Variants in PTPRD observed in about 807,000 individuals in gnomAD.
PTPRD encodes receptor-type tyrosine-protein phosphatase delta.
Under a neutral mutation model 214.5 loss-of-function variants are expected in PTPRD, and 34 were observed. The observed-to-expected ratio is 0.16, with a 90% confidence interval of 0.12 to 0.21. The LOEUF is 0.21. Among genes scored for constraint, PTPRD ranks in the 10% least tolerant of loss-of-function variants. PTPRD has a pLI of 1.00. For missense variants in PTPRD, 2,545 were observed against 2,398.7 expected (o/e 1.06, Z -1.27); for synonymous variants, 1,128 against 845.7 (o/e 1.33, Z -5.79).
intron 2 of PTPRD, among the ~76,000 whole-genome samples, chr9:10,350,166 C>A (rs545797058): frequency 2.6e-5 from 4 of 151,982 alleles, no homozygotes; most frequent in African/African-American, 9.6e-5. Context: ...CTTCTCAGCA[C>A]CCTGGATTAT....
intron 5 of PTPRD, among the ~76,000 whole-genome samples, chr9:9,922,447 A>G (rs1457210905): frequency 6.6e-6 from 1 of 152,062 alleles, no homozygotes; most frequent in East Asian, 1.9e-4. Context: ...CCAAGCCCCC[A>G]TTCTAAAATT....
At chr9:9,794,168 T>TATATACATGTATATATAC (rs1292920934) in intron 5 of PTPRD, among the ~76,000 whole-genome samples, 14 of 149,276 alleles carry the variant, frequency 9.4e-5, no homozygotes, top group African/African-American at 3.0e-4. Flanking sequence ...TGTATATATA[T>TATATACATGTATATATAC]ATATACATGT....
chr9:9,575,921 A>T (rs1006202159), intron 7 of PTPRD, among the ~76,000 whole-genome samples: 2 of 152,002 alleles, frequency 1.3e-5, no homozygotes, highest in African/African-American at 4.8e-5. Flanking sequence ...ACAAGAAAAG[A>T]AAACTAAATA....
intron 3 of PTPRD, among the ~76,000 whole-genome samples, chr9:10,331,739 G>T (rs2096754334): frequency 6.6e-6 from 1 of 151,784 alleles, no homozygotes; most frequent in Non-Finnish European, 1.5e-5. Flanking sequence ...TTGTCATGCA[G>T]ATTGATATCT....
intron 2 of PTPRD, among the ~76,000 whole-genome samples, chr9:10,387,057 G>T (rs2097927962): frequency 6.6e-6 from 1 of 151,658 alleles, no homozygotes; most frequent in Non-Finnish European, 1.5e-5. Flanking sequence ...CCAGAAGCTG[G>T]AAATAGAGAA....
rs888122312 is a variant in PTPRD at position 10,245,223 on chromosome 9, CAT to C, written c.-545+95738_-545+95739del. 5.3e-4 allele frequency among the ~76,000 whole-genome samples: 81 copies of C among 152,168 alleles called. 1 individual carries two copies. The highest frequency in any genetic ancestry group is 4.5e-3 in the Admixed American group (68 of 15,274). The stretch of plus-strand genomic sequence containing the variant: ...AGTTTTCCTCCAAGGATAGATTAGT[CAT>C]ATGTTATAGAAACCTGTGTAAAGCA... On this transcript the variant is annotated intron_variant, in intron 3 of 45. Coordinates refer to ENST00000381196, the MANE Select transcript of PTPRD (RefSeq NM_002839.4).
intron 7 of PTPRD, among the ~76,000 whole-genome samples, chr9:9,702,150 G>C (rs2097518961): frequency 6.6e-6 from 1 of 151,958 alleles, no homozygotes; most frequent in Non-Finnish European, 1.5e-5. Flanking sequence ...GAGAAAGAAA[G>C]AGAGGAAACT....
At chr9:9,234,365 T>C (rs1555050606) in intron 9 of PTPRD, among the ~76,000 whole-genome samples, 1 of 152,176 alleles carries the variant, frequency 6.6e-6, no homozygotes, top group Non-Finnish European at 1.5e-5. Context: ...GCCCAGCCCA[T>C]GAAACCATTT....
chr9:9,786,650 T>C (rs1051082368), intron 5 of PTPRD, among the ~76,000 whole-genome samples: 6 of 152,082 alleles, frequency 3.9e-5, no homozygotes, highest in African/African-American at 1.4e-4. Context: ...TCTCGATCCT[T>C]GAGGAATCGC....
At chr9:10,152,255 T>G (rs2099066012) in intron 3 of PTPRD, among the ~76,000 whole-genome samples, 1 of 152,086 alleles carries the variant, frequency 6.6e-6, no homozygotes, top group Non-Finnish European at 1.5e-5. Context: ...GGTTTCAATC[T>G]GTATTTGCCT....
chr9:10,202,674 A>ATATATATATATATATG (rs2099432341), intron 3 of PTPRD, among the ~76,000 whole-genome samples: 1 of 122,440 alleles, frequency 8.2e-6, no homozygotes, highest in Admixed American at 9.5e-5. Flanking sequence ...TTATATGGAT[A>ATATATATATATATATG]TATATATATA....
intron 9 of PTPRD, among the ~76,000 whole-genome samples, chr9:9,256,341 C>A (rs1015928465): frequency 2.0e-5 from 3 of 152,002 alleles, no homozygotes; most frequent in African/African-American, 4.8e-5. Context: ...CTTCACATTT[C>A]TTTTATCTCC....
At chr9:9,000,977 A>C (rs375169327) in intron 11 of PTPRD, among the ~76,000 whole-genome samples, 1 of 151,962 alleles carries the variant, frequency 6.6e-6, no homozygotes, top group Admixed American at 6.6e-5. Flanking sequence ...CAAAGCACGC[A>C]CAGCCAGCAA....
intron 8 of PTPRD, among the ~76,000 whole-genome samples, chr9:9,449,401 C>G (rs753070916): frequency 1.1e-5 from 1 of 93,998 alleles, no homozygotes; most frequent in Non-Finnish European, 2.2e-5. Flanking sequence ...GTGAGAAATT[C>G]AAATTGCTAT....
At chr9:10,606,308 A>C (rs952903439) in intron 2 of PTPRD, among the ~76,000 whole-genome samples, 3 of 151,962 alleles carry the variant, frequency 2.0e-5, no homozygotes, top group Non-Finnish European at 4.4e-5. Flanking sequence ...GCGTGAGATT[A>C]ATGAGTCACT....
intron 10 of PTPRD, among the ~76,000 whole-genome samples, chr9:9,181,127 G>A (rs2099927960): frequency 1.3e-5 from 2 of 152,016 alleles, no homozygotes; most frequent in Non-Finnish European, 1.5e-5. Flanking sequence ...AGTTTCTTTT[G>A]TAATGGGATC....
intron 37 of PTPRD, 96 bp downstream of exon 37, chr9:8,389,136 T>A: frequency 2.8e-6 from 3 of 1,084,486 alleles, no homozygotes; most frequent in South Asian, 3.4e-5. Flanking sequence ...AAGATAAGCC[T>A]TAGGGAAAGG....
chr9:8,886,755 G>A (rs935650933), intron 11 of PTPRD, among the ~76,000 whole-genome samples: 3 of 152,116 alleles, frequency 2.0e-5, no homozygotes, highest in Admixed American at 6.5e-5. Flanking sequence ...ACTCTGCACC[G>A]TGCAATAGTG....
intron 8 of PTPRD, among the ~76,000 whole-genome samples, chr9:9,529,687 GA>G (rs149498764): frequency 3.8e-4 from 57 of 151,226 alleles, no homozygotes; most frequent in African/African-American, 1.4e-3. Flanking sequence ...TGGTGGAAAG[GA>G]AAAAAAATGC....
Sources: allele counts gnomAD v4.1 joint callset (sites outside exome capture counted in the v4.1 genomes callset), GRCh38; gene constraint gnomAD v4.1.1; transcripts MANE v1.5; gene names NCBI Gene and HGNC (gene_info 2026-07-23, HGNC 2026-07-21).